MMP26: variants seen among roughly 807,000 people sequenced by gnomAD.
MMP26 encodes the protein matrix metallopeptidase 26.
Under a neutral mutation model 31.0 loss-of-function variants are expected in MMP26, and 33 were observed. That is an observed-to-expected ratio of 1.06 (90% CI 0.81 to 1.42). The LOEUF is 1.42. MMP26 is among the 40% of genes most tolerant of loss of function. The probability of loss-of-function intolerance (pLI) is 0.00; values close to 1 mark genes in which losing one functional copy is unlikely to be tolerated. For missense variants in MMP26, 347 were observed against 316.1 expected (o/e 1.10, Z -0.74); for synonymous variants, 122 against 114.9 (o/e 1.06, Z -0.40).
intron 2 of MMP26, among the ~76,000 whole-genome samples, chr11:4,819,337 A>T (rs1423861567): frequency 6.6e-6 from 1 of 152,102 alleles, no homozygotes; most frequent in East Asian, 1.9e-4. Context: ...GAGAATAGGC[A>T]AAGGAGAGAT....
intron 2 of MMP26, among the ~76,000 whole-genome samples, chr11:4,784,736 A>G (rs1848911632): frequency 6.6e-6 from 1 of 152,226 alleles, no homozygotes; most frequent in East Asian, 1.9e-4. Flanking sequence ...GTTTTAAGCC[A>G]CCAAGTTTGT....
chr11:4,817,525 T>C (rs1009198703), intron 2 of MMP26, among the ~76,000 whole-genome samples: 5 of 152,144 alleles, frequency 3.3e-5, no homozygotes, highest in African/African-American at 1.2e-4. Flanking sequence ...AGGTCAAGGC[T>C]GCAGTGAGCC....
intron 2 of MMP26, among the ~76,000 whole-genome samples, chr11:4,867,085 G>T (rs184396241): frequency 2.0e-5 from 3 of 152,134 alleles, no homozygotes; most frequent in Admixed American, 2.0e-4. Flanking sequence ...TGACCAATGG[G>T]AAATAATTAA....
At chr11:4,750,956 G>T (rs779984605) in intron 1 of MMP26, among the ~76,000 whole-genome samples, 16 of 151,972 alleles carry the variant, frequency 1.1e-4, no homozygotes, top group Non-Finnish European at 4.4e-5. Flanking sequence ...TTTATTGGAT[G>T]TGGGACCAAA....
At chr11:4,921,400 C>CAAAAT (rs1289341545) in intron 2 of MMP26, among the ~76,000 whole-genome samples, 2 of 152,096 alleles carry the variant, frequency 1.3e-5, no homozygotes, top group East Asian at 1.9e-4. Flanking sequence ...CAAAACAAAA[C>CAAAAT]AAAATAAAAT....
At position 4,837,429 on chromosome 11, in the gene MMP26, C is replaced by T. The variant is rs117531890; in HGVS notation, c.-145+70088C>T. 3.3e-3 allele frequency among the ~76,000 whole-genome samples: 499 copies of T among 152,176 alleles called. 4 individuals carry two copies. Among genetic ancestry groups the T allele is most frequent in the East Asian group, 0.014 (74 of 5,170 alleles). ...ATATTCTTATGTTGTCCAGCCTGGT[C>T]TCAAACTCCTGTACTTAAGCAATTC... On this transcript the variant is annotated intron_variant, in intron 2 of 7. Transcript: ENST00000380390.
chr11:4,915,884 A>G (rs1851081126), intron 2 of MMP26: 4 of 500,290 alleles, frequency 8.0e-6, no homozygotes, highest in Admixed American at 3.5e-5. Flanking sequence ...AGAAGCAAAG[A>G]CATGGAATTG....
At chr11:4,742,946 A>C (rs1848333927) in intron 1 of MMP26, among the ~76,000 whole-genome samples, 1 of 152,138 alleles carries the variant, frequency 6.6e-6, no homozygotes, top group Non-Finnish European at 1.5e-5. Flanking sequence ...GAGAGGTTAA[A>C]TAATTTGCAC....
chr11:4,908,028 T>A (rs372063476), intron 2 of MMP26: 1 of 1,614,072 alleles, frequency 6.2e-7, no homozygotes, highest in African/African-American at 1.3e-5. Flanking sequence ...TATGTGCTGA[T>A]CTTGAAGACT....
At chr11:4,924,376 G>A (rs774079356) in intron 2 of MMP26, 15 of 1,541,886 alleles carry the variant, frequency 9.7e-6, no homozygotes, top group Non-Finnish European at 1.3e-5. Flanking sequence ...CTGGAATATA[G>A]AATGAGATTC....
chr11:4,864,480 A>G (rs1415286276), intron 2 of MMP26, among the ~76,000 whole-genome samples: 2 of 152,164 alleles, frequency 1.3e-5, no homozygotes, highest in Non-Finnish European at 2.9e-5. Context: ...TATTGTGGTG[A>G]TGCTTTAGTT....
intron 2 of MMP26, among the ~76,000 whole-genome samples, chr11:4,816,471 T>C (rs984208763): frequency 6.6e-6 from 1 of 152,086 alleles, no homozygotes; most frequent in Non-Finnish European, 1.5e-5. Context: ...TCCTCTACTA[T>C]TATTGTTGCA....
chr11:4,758,242 T>C (rs1052437175), intron 1 of MMP26, among the ~76,000 whole-genome samples: 5 of 152,090 alleles, frequency 3.3e-5, no homozygotes, highest in African/African-American at 1.2e-4. Flanking sequence ...AGAAGCCAGA[T>C]GCAGGATATT....
intron 2 of MMP26, among the ~76,000 whole-genome samples, chr11:4,773,004 C>T (rs1053124009): frequency 2.6e-5 from 4 of 152,160 alleles, no homozygotes; most frequent in African/African-American, 9.7e-5. Context: ...TTGACTAATA[C>T]TTCCACGACA....
chr11:4,724,896 T>G (rs139518659), intron 1 of MMP26, among the ~76,000 whole-genome samples: 1 of 152,322 alleles, frequency 6.6e-6, no homozygotes, highest in East Asian at 1.9e-4. Flanking sequence ...TAGACTGATA[T>G]GGTTTGGATC....
intron 2 of MMP26, among the ~76,000 whole-genome samples, chr11:4,767,816 A>G (rs1848651746): frequency 6.6e-6 from 1 of 152,138 alleles, no homozygotes; most frequent in South Asian, 2.1e-4. Flanking sequence ...CTATTTTTCC[A>G]ATGGCAATAA....
chr11:4,871,217 T>C (rs1418947807), intron 2 of MMP26, among the ~76,000 whole-genome samples: 1 of 151,924 alleles, frequency 6.6e-6, no homozygotes, highest in Non-Finnish European at 1.5e-5. Context: ...ACTGTTTCAG[T>C]GGTGTGAAAA....
At chr11:4,864,760 G>C (rs1293155596) in intron 2 of MMP26, among the ~76,000 whole-genome samples, 2 of 152,042 alleles carry the variant, frequency 1.3e-5, no homozygotes, top group Non-Finnish European at 2.9e-5. Flanking sequence ...CTCCCCTGAA[G>C]ATATCAGGCC....
chr11:4,715,263 A>G (rs1346914816), intron 1 of MMP26, among the ~76,000 whole-genome samples: 2 of 152,094 alleles, frequency 1.3e-5, no homozygotes, highest in African/African-American at 4.8e-5. Flanking sequence ...ACAATGGAAT[A>G]AACACTATTT....
Sources: allele counts gnomAD v4.1 joint callset (sites outside exome capture counted in the v4.1 genomes callset), GRCh38; gene constraint gnomAD v4.1.1; transcripts MANE v1.5; gene names NCBI Gene and HGNC (gene_info 2026-07-23, HGNC 2026-07-21).